Variants in SFMBT2 observed in about 807,000 individuals in gnomAD.
The protein encoded by SFMBT2 is scm-like with four MBT domains protein 2.
A neutral mutation model predicts 110.1 loss-of-function variants in SFMBT2; 38 were observed. The observed-to-expected ratio is 0.35, with a 90% CI of 0.27 to 0.45. The LOEUF (loss-of-function observed/expected upper bound fraction) is 0.45, where lower values mean the gene tolerates loss of function less well. SFMBT2 is among the 20% of genes least tolerant of loss of function. SFMBT2 has a pLI of 1.00. For missense variants in SFMBT2, 1,011 were observed against 1,094.9 expected, an observed-to-expected ratio of 0.92 and a Z score of 1.08; for synonymous variants, 425 against 425.4, an observed-to-expected ratio of 1.00 and a Z score of 0.01.
Position 7,367,777 on chromosome 10 carries a change from A to T in SFMBT2, c.308T>A (p.Leu103Gln). 6.2e-7 allele frequency: 1 copy of T among 1,614,212 alleles called. No homozygotes were observed. Among genetic ancestry groups the T allele is most frequent in the Non-Finnish European group, 8.5e-7 (1 of 1,180,046 alleles). ...GTAACCGCAGTAGCGCAGAAGCAGC[A>T]GCTGCCCGCACGTGGTAATGATCGT... ...VATIITTCGQ[L>Q]LLLRYCGYGE... The change falls in exon 4 of 21, where the codon CTG (leucine) becomes CAG (glutamine). Residue 103 changes from leucine to glutamine, a missense_variant. Physicochemically the swap from Leu to Gln is moderately radical, Grantham distance 113. Transcript: ENST00000397167. The surrounding 1 kb of genome is among the most constrained non-coding windows in gnomAD (Gnocchi z 6.2).
At position 7,202,513 on chromosome 10, in the gene SFMBT2, T is replaced by C. The variant is rs770521078; in HGVS notation, c.1454A>G (p.Lys485Arg). ...TGGTTGCACGACTGCAATCTTTCTC[T>C]TCTTTTGTGCTGTAGAAAAGGCAAA... ...TAPHKTVSQKKRKIAVVQPEK... is the reference protein window; with the variant it reads ...TAPHKTVSQKRRKIAVVQPEK... Residue 485 changes from lysine (K) to arginine (R), a missense_variant, in exon 13 of 21, where the codon AAG (lysine) becomes AGG (arginine). This residue lies in a region of SFMBT2 where 979 missense variants were observed against 1,016.1 expected (regional missense o/e 0.96). Coordinates refer to ENST00000397167, the MANE Select transcript of SFMBT2 (RefSeq NM_001387889.1). 24 of 1,614,118 alleles carry C rather than the reference T, an allele frequency of 1.5e-5. No homozygotes were observed. Among genetic ancestry groups the C allele is most frequent in the East Asian group, 2.2e-5 (1 of 44,898 alleles).
At chr10:7,325,193 C>T (rs1843343180) in intron 4 of SFMBT2, among the ~76,000 whole-genome samples, 1 of 151,982 alleles carries the variant, frequency 6.6e-6, no homozygotes, top group South Asian at 2.1e-4. Flanking sequence ...CTCTCAAACT[C>T]CTGACCTCAG....
intron 1 of SFMBT2, among the ~76,000 whole-genome samples, chr10:7,392,501 G>A (rs1015990993): frequency 4.0e-5 from 6 of 151,792 alleles, no homozygotes; most frequent in Admixed American, 6.6e-5. Flanking sequence ...GACAAAGAGC[G>A]AGACTCCGTC....
At chr10:7,303,104 TTTGGATTATTGCATGTGGCAGTTC>T in intron 4 of SFMBT2, among the ~76,000 whole-genome samples, 1 of 152,330 alleles carries the variant, frequency 6.6e-6, no homozygotes, top group Non-Finnish European at 1.5e-5. Flanking sequence ...CCAGAATGCA[TTTGGATTATTGCATGTGGCAGTTC>T]TTGAAAAAGT....
At chr10:7,222,405 T>C (rs1839770818) in intron 10 of SFMBT2, among the ~76,000 whole-genome samples, 1 of 152,210 alleles carries the variant, frequency 6.6e-6, no homozygotes, top group Non-Finnish European at 1.5e-5. Context: ...CAAAAATTTA[T>C]TTTGTCATGG....
chr10:7,387,295 A>G (rs921700172), intron 1 of SFMBT2, among the ~76,000 whole-genome samples: 2 of 152,234 alleles, frequency 1.3e-5, no homozygotes, highest in African/African-American at 4.8e-5. Context: ...AACTAATGCC[A>G]GACAGATAAG....
At chr10:7,263,678 T>TGCCTGGAGAATGTAAGTGTCCC (rs1377467359) in intron 7 of SFMBT2, among the ~76,000 whole-genome samples, 2 of 152,204 alleles carry the variant, frequency 1.3e-5, no homozygotes, top group African/African-American at 4.8e-5. Context: ...TTAAGGCAAA[T>TGCCTGGAGAATGTAAGTGTCCC]GCCTGGAGAA....
intron 4 of SFMBT2, among the ~76,000 whole-genome samples, chr10:7,362,327 C>T (rs1844748673): frequency 6.6e-6 from 1 of 152,160 alleles, no homozygotes; most frequent in South Asian, 2.1e-4. Flanking sequence ...CCTGGAGCTG[C>T]CGCCATGCTG....
intron 11 of SFMBT2, 128 bp downstream of exon 11, chr10:7,220,283 A>T: frequency 1.5e-6 from 1 of 686,660 alleles, no homozygotes; most frequent in Non-Finnish European, 2.5e-6. Context: ...AACACGGAAT[A>T]ATTTAAGATC....
intron 10 of SFMBT2, 33 bp from the exon 11 acceptor site, chr10:7,220,570 T>G (rs746445021): frequency 1.2e-6 from 2 of 1,613,330 alleles, no homozygotes; most frequent in Non-Finnish European, 1.7e-6. Flanking sequence ...ACTGAGCCAG[T>G]GCTGACGCAG....
At chr10:7,365,964 G>A (rs78905586) in intron 4 of SFMBT2, among the ~76,000 whole-genome samples, 1 of 152,106 alleles carries the variant, frequency 6.6e-6, no homozygotes, top group Non-Finnish European at 1.5e-5. Flanking sequence ...TTTATGGCAC[G>A]TCAATTAGAT....
At chr10:7,282,507 G>A (rs1841973970) in intron 6 of SFMBT2, among the ~76,000 whole-genome samples, 2 of 152,156 alleles carry the variant, frequency 1.3e-5, no homozygotes, top group African/African-American at 4.8e-5. Flanking sequence ...GGGCAAACCC[G>A]GGCTTACATC....
intron 2 of SFMBT2, among the ~76,000 whole-genome samples, chr10:7,373,266 C>T (rs1837977533): frequency 6.6e-6 from 1 of 152,170 alleles, no homozygotes; most frequent in Admixed American, 6.5e-5. Flanking sequence ...ACACCTGCTC[C>T]CCTTCCTCTT....
intron 9 of SFMBT2, among the ~76,000 whole-genome samples, chr10:7,239,698 T>C (rs12767947): frequency 0.2 from 30,275 of 152,214 alleles, 3,802 homozygotes; most frequent in South Asian, 0.37. Flanking sequence ...TGCTTTGATA[T>C]ATTGACCATC....
Position 7,367,900 on chromosome 10 carries a change from C to T in SFMBT2, c.196-11G>A. 1 of 1,613,410 alleles carries T rather than the reference C, an allele frequency of 6.2e-7. No homozygotes were observed. Among genetic ancestry groups the T allele is most frequent in the South Asian group, 1.1e-5 (1 of 91,004 alleles). The stretch of plus-strand genomic sequence containing the variant: ...AATGCTGATTTCAACCTTAAGGAAT[C>T]AGAAATAGAGAAAACCCATTACTAC... On this transcript the variant is annotated splice_polypyrimidine_tract_variant and intron_variant, in intron 3 of 20. Coordinates refer to ENST00000397167, the MANE Select transcript of SFMBT2 (RefSeq NM_001387889.1). The surrounding 1 kb of genome is among the most constrained non-coding windows in gnomAD (Gnocchi z 6.2).
At chr10:7,393,277 C>T (rs1370281066) in intron 1 of SFMBT2, among the ~76,000 whole-genome samples, 6 of 151,884 alleles carry the variant, frequency 4.0e-5, no homozygotes, top group Non-Finnish European at 4.4e-5. Context: ...GTGATCCACC[C>T]GTCTTGGCCT....
chr10:7,352,033 G>T (rs1312431009), intron 4 of SFMBT2, among the ~76,000 whole-genome samples: 1 of 152,046 alleles, frequency 6.6e-6, no homozygotes, highest in Non-Finnish European at 1.5e-5. Context: ...TTTTTCTGAA[G>T]TCGCTTTTTT....
intron 4 of SFMBT2, among the ~76,000 whole-genome samples, chr10:7,322,015 TC>T (rs1382621147): frequency 6.6e-6 from 1 of 152,210 alleles, no homozygotes; most frequent in African/African-American, 2.4e-5. Flanking sequence ...GACCAGCACT[TC>T]CCAAACTTTT....
chr10:7,365,937 A>G (rs949881762), intron 4 of SFMBT2, among the ~76,000 whole-genome samples: 1 of 152,172 alleles, frequency 6.6e-6, no homozygotes, highest in African/African-American at 2.4e-5. Flanking sequence ...TGAACTGTAC[A>G]CTTTAAAGTG....
Sources: allele counts gnomAD v4.1 joint callset (sites outside exome capture counted in the v4.1 genomes callset), GRCh38; gene constraint gnomAD v4.1.1; regional missense constraint gnomAD v4.1.1; non-coding constraint Gnocchi (gnomAD v3.1); transcripts MANE v1.5; gene names NCBI Gene and HGNC (gene_info 2026-07-23, HGNC 2026-07-21).